Variants in ZNF850 observed in about 807,000 individuals in gnomAD.
ZNF850 encodes the protein putative zinc finger protein ENSP00000330994.
ZNF850 carries 2 observed loss-of-function variants against 11.9 expected under a neutral mutation model. That is an observed-to-expected ratio of 0.17 (90% CI 0.07 to 0.53). The LOEUF is 0.53. Ranked by LOEUF, ZNF850 falls within the 20% of genes least tolerant of loss-of-function variation. The pLI is 0.94. For synonymous variants in ZNF850, 381 were observed against 443.0 expected (o/e 0.86, Z 1.76); for missense variants, 1,014 against 1,316.4 (o/e 0.77, Z 3.55).
chr19:36,751,065 T>TATA (rs536745191), intron 4 of ZNF850, among the ~76,000 whole-genome samples: 1 of 89,434 alleles, frequency 1.1e-5, no homozygotes, highest in African/African-American at 4.4e-5. Context: ...GACCCTGTCT[T>TATA]AAAAAAAAAA....
At chr19:36,750,873 G>C (rs1278813833) in intron 4 of ZNF850, 69 bp from the exon 5 acceptor site, 3 of 1,397,996 alleles carry the variant, frequency 2.1e-6, no homozygotes, top group Non-Finnish European at 2.8e-6. Context: ...ATCTATGGTA[G>C]AAAGGGGAGA....
At chr19:36,764,403 C>T (rs2040537191) in intron 1 of ZNF850, among the ~76,000 whole-genome samples, 1 of 152,124 alleles carries the variant, frequency 6.6e-6, no homozygotes. Context: ...AGGCTGTGGG[C>T]CAGGAAAAAT....
intron 4 of ZNF850, 67 bp from the exon 5 acceptor site, chr19:36,750,871 T>C: frequency 7.1e-7 from 1 of 1,404,612 alleles, no homozygotes; most frequent in Non-Finnish European, 9.3e-7. Flanking sequence ...ACATCTATGG[T>C]AGAAAGGGGA....
At chr19:36,766,544 G>A (rs573047059) in intron 1 of ZNF850, among the ~76,000 whole-genome samples, 1 of 152,070 alleles carries the variant, frequency 6.6e-6, no homozygotes, top group South Asian at 2.1e-4. Context: ...TTCCTAAATG[G>A]CTACTACACT....
chr19:36,761,684 G>T lies in ZNF850; in HGVS notation c.194C>A (p.Pro65His), dbSNP rs1471603111. Residue 65 changes from proline to histidine, a missense_variant, in exon 4 of 5, where the codon CCC becomes CAC. Transcript: ENST00000591344. ...VISLLEQGKE[P>H]WMVSRDVLGG... is the part of the protein sequence containing the mutation. ...CAGCACGTCCCTTGAAACCATCCAG[G>T]GCTCTTTCCCTTGCTCCAGTAAGGA... 1.9e-6 allele frequency: 3 copies of T among 1,562,030 alleles called. No homozygotes were observed. The highest frequency in any genetic ancestry group is 2.6e-6 in the Non-Finnish European group (3 of 1,160,202).
intron 4 of ZNF850, among the ~76,000 whole-genome samples, chr19:36,758,077 A>G (rs1163973428): frequency 6.6e-6 from 1 of 152,246 alleles, no homozygotes. Flanking sequence ...GGAACAGCAC[A>G]GCTTTCATGA....
chr19:36,751,406 T>A (rs1336166041), intron 4 of ZNF850, among the ~76,000 whole-genome samples: 1 of 151,636 alleles, frequency 6.6e-6, no homozygotes, highest in Non-Finnish European at 1.5e-5. Context: ...GGACATTAGG[T>A]AAAAGCTAAG....
intron 1 of ZNF850, among the ~76,000 whole-genome samples, chr19:36,770,043 C>T (rs2040571903): frequency 6.6e-6 from 1 of 152,152 alleles, no homozygotes; most frequent in Non-Finnish European, 1.5e-5. Flanking sequence ...CTCAGGGAAA[C>T]ACATTTACTG....
chr19:36,767,999 G>A (rs773260865), intron 1 of ZNF850, among the ~76,000 whole-genome samples: 4 of 152,140 alleles, frequency 2.6e-5, no homozygotes, highest in East Asian at 1.9e-4. Context: ...AGTGGCTTAC[G>A]CCTATAATCC....
chr19:36,751,652 C>T (rs1241691429), intron 4 of ZNF850, among the ~76,000 whole-genome samples: 1 of 126,074 alleles, frequency 7.9e-6, no homozygotes, highest in African/African-American at 3.1e-5. Context: ...GAGCCAAGAT[C>T]GTACCATTGC....
At chr19:36,753,271 GAAAAAAA>G (rs71171470) in intron 4 of ZNF850, among the ~76,000 whole-genome samples, 19 of 66,068 alleles carry the variant, frequency 2.9e-4, no homozygotes, top group African/African-American at 6.8e-4. Flanking sequence ...TTCATCTCAG[GAAAAAAA>G]AAAAAAAAAA....
intron 4 of ZNF850, among the ~76,000 whole-genome samples, chr19:36,760,769 G>A (rs1163813500): frequency 6.6e-6 from 1 of 151,900 alleles, no homozygotes; most frequent in Non-Finnish European, 1.5e-5. Flanking sequence ...AGAGGCTGAG[G>A]CAGGAGAATT....
chr19:36,769,765 AT>A (rs1294553055), intron 1 of ZNF850, among the ~76,000 whole-genome samples: 1 of 152,152 alleles, frequency 6.6e-6, no homozygotes, highest in African/African-American at 2.4e-5. Context: ...TGGCCTCAAA[AT>A]CCAAGGAGAT....
chr19:36,747,964 G>C lies in ZNF850; in HGVS notation c.3076C>G (p.Gln1026Glu). The C allele has an allele frequency of 1.3e-6, 2 of 1,579,324 alleles. No homozygotes were observed. The highest frequency in any genetic ancestry group is 1.7e-6 in the Non-Finnish European group (2 of 1,165,714). The change falls in exon 5 of 5, where the codon CAA (glutamine) becomes GAA (glutamate). Residue 1026 changes from glutamine (Q) to glutamate (E), a missense_variant. Around this residue, in one of 2 missense-constraint regions of ZNF850, gnomAD observed 179 missense variants for 294.4 expected, o/e 0.61. Coordinates refer to ENST00000591344, the MANE Select transcript of ZNF850 (RefSeq NM_001193552.2). ...KAFRCPSQLS[Q>E]HKRIHTGEKT... ...TCACCAGTATGGATTCGTTTATGTT[G>C]ACTAAGTTGTGAAGGACATCTAAAG...
At position 36,744,485 on chromosome 19, in the gene ZNF850, G is replaced by A. The variant is rs2040399818; in HGVS notation, c.*3282C>T. The A allele has an allele frequency of 6.6e-6, 1 of 152,166 alleles. No homozygotes were observed. The highest frequency in any genetic ancestry group is 1.9e-4 in the East Asian group (1 of 5,130). The allele number at this position is 152,166 out of a possible 1,614,324, so 9.4% of individuals were successfully genotyped here. A position where few individuals can be genotyped will look rare whatever the true frequency, so the allele number is the denominator to read the frequency against. The stretch of plus-strand genomic sequence containing the variant: ...CTACAAAAGATACAAAAATTAGCTA[G>A]GTGTGGTGGTGTGCGCCTGTAGTCC... On this transcript the variant is annotated 3_prime_UTR_variant, in exon 5 of 5. Transcript: ENST00000591344.
chr19:36,771,732 A>G (rs2040585561), intron 1 of ZNF850, among the ~76,000 whole-genome samples: 1 of 152,184 alleles, frequency 6.6e-6, no homozygotes, highest in Non-Finnish European at 1.5e-5. Context: ...TCCAAGCTGC[A>G]CCGTTTCGTA....
At chr19:36,766,656 T>C (rs1353550072) in intron 1 of ZNF850, among the ~76,000 whole-genome samples, 2 of 152,196 alleles carry the variant, frequency 1.3e-5, no homozygotes, top group Non-Finnish European at 1.5e-5. Flanking sequence ...GGGGGCTGTA[T>C]AGAAATTTTA....
Position 36,750,099 on chromosome 19 carries a change from C to T in ZNF850, c.941G>A (p.Cys314Tyr). ...TGAGCCAACAGTAAAAGATTTTCCA[C>T]ATTGCTTACAATGATAGGGTTTCTC... ...TGEKPYHCKQ[C>Y]GKSFTVGSTL... is the part of the protein sequence containing the mutation. The change falls in exon 5 of 5, where the codon TGT (cysteine) becomes TAT (tyrosine). Residue 314 changes from cysteine to tyrosine, a missense_variant. By Grantham distance (194) the Cys-to-Tyr change is radical. Around this residue, in one of 2 missense-constraint regions of ZNF850, gnomAD observed 835 missense variants for 1,022.0 expected, o/e 0.82. Coordinates refer to ENST00000591344, the MANE Select transcript of ZNF850 (RefSeq NM_001193552.2). The T allele has an allele frequency of 6.5e-7, 1 of 1,538,576 alleles. No homozygotes were observed. The highest frequency in any genetic ancestry group is 1.2e-5 in the South Asian group (1 of 84,052).
intron 1 of ZNF850, among the ~76,000 whole-genome samples, 171 bp downstream of exon 1, chr19:36,772,554 C>T (rs1407750598): frequency 1.3e-5 from 2 of 152,166 alleles, no homozygotes; most frequent in Non-Finnish European, 2.9e-5. Flanking sequence ...CCAGGACACA[C>T]ACACCCACTC....
Sources: gnomAD v4.1 joint callset for allele counts (sites outside exome capture counted in the v4.1 genomes callset) on GRCh38, gnomAD v4.1.1 for gene constraint, gnomAD v4.1.1 regional missense constraint, MANE v1.5 for transcripts, NCBI Gene and HGNC (gene_info 2026-07-23, HGNC 2026-07-21) for gene names.